The following TRPM3 variants were observed in gnomAD, a reference collection of about 807,000 sequenced individuals.
TRPM3 encodes the protein long transient receptor potential channel 3.
In TRPM3, 77 loss-of-function variants were observed where a neutral mutation model predicts 181.2. The observed-to-expected ratio is 0.42, with a 90% CI of 0.35 to 0.51. The LOEUF (loss-of-function observed/expected upper bound fraction) is 0.51, where lower values mean the gene tolerates loss of function less well. TRPM3 is among the 20% of genes least tolerant of loss of function. The pLI, the probability that TRPM3 is intolerant of heterozygous loss-of-function variation, is 0.01. For missense variants in TRPM3, 1,759 were observed against 2,196.7 expected (o/e 0.80, Z 3.98); for synonymous variants, 745 against 796.4 (o/e 0.94, Z 1.09).
rs549164540 is a variant in TRPM3 at position 70,537,200 on chromosome 9, C to T, written c.3913G>A (p.Ala1305Thr). The T allele has an allele frequency of 5.3e-5, 85 of 1,593,800 alleles. No individual in the cohort carries two copies. Among genetic ancestry groups the T allele is most frequent in the Admixed American group, 1.4e-4 (8 of 58,782 alleles). ...AAGCTGCTCTGACGGACAATGTAGG[C>T]GGCGTCCGTGCAGTCTGACGAGGTC... is the stretch of plus-strand genomic sequence containing the variant. The part of the protein sequence containing the change: ...SRTSSDCTDA[A>T]YIVRQSSFNS... The change falls in exon 26 of 26, where the codon GCC (alanine) becomes ACC (threonine). Residue 1305 changes from alanine (A) to threonine (T), a missense_variant. Physicochemically the swap from Ala to Thr is moderately conservative, Grantham distance 58 (BLOSUM62 0). This residue lies in a region of TRPM3 where 612 missense variants were observed against 590.0 expected (regional missense o/e 1.04). Transcript: ENST00000677713.
chr9:71,305,751 A>T (rs1305586563), intron 1 of TRPM3, among the ~76,000 whole-genome samples: 3 of 152,140 alleles, frequency 2.0e-5, no homozygotes, highest in Non-Finnish European at 4.4e-5. Context: ...CTAACAGGTG[A>T]TGTTTAGAAG....
chr9:71,072,265 T>C (rs925257898), intron 1 of TRPM3, among the ~76,000 whole-genome samples: 2 of 152,188 alleles, frequency 1.3e-5, no homozygotes, highest in Admixed American at 6.5e-5. Flanking sequence ...CACAGTTTGC[T>C]TTTAGGGTGG....
intron 1 of TRPM3, among the ~76,000 whole-genome samples, chr9:70,909,075 G>T (rs575153548): frequency 6.6e-6 from 1 of 152,284 alleles, no homozygotes; most frequent in East Asian, 1.9e-4. Flanking sequence ...ACAATAGCAT[G>T]AACTGCAGGT....
intron 6 of TRPM3, among the ~76,000 whole-genome samples, chr9:70,813,226 A>G (rs897386520): frequency 4.6e-5 from 7 of 152,210 alleles, no homozygotes; most frequent in African/African-American, 1.7e-4. Context: ...ACTGCTTTGT[A>G]CTATTCACAA....
intron 2 of TRPM3, 132 bp from the exon 3 acceptor site, chr9:70,863,244 T>G (rs2095564766): frequency 7.1e-6 from 5 of 701,866 alleles, no homozygotes. Context: ...AATTCCACCA[T>G]GTGGCTATAT....
At chr9:70,620,621 TTTTC>T (rs1164248709) in intron 15 of TRPM3, among the ~76,000 whole-genome samples, 1 of 152,186 alleles carries the variant, frequency 6.6e-6, no homozygotes, top group Non-Finnish European at 1.5e-5. Flanking sequence ...TAATGGGCCA[TTTTC>T]TTTCTTTTTA....
At chr9:71,096,622 TC>T (rs1327397264) in intron 1 of TRPM3, among the ~76,000 whole-genome samples, 1 of 144,738 alleles carries the variant, frequency 6.9e-6, no homozygotes, top group African/African-American at 2.5e-5. Context: ...TCTCTCTCTC[TC>T]TCCCCCTCTC....
intron 1 of TRPM3, among the ~76,000 whole-genome samples, chr9:70,982,602 C>T (rs1471634417): frequency 2.0e-5 from 3 of 152,196 alleles, no homozygotes; most frequent in Non-Finnish European, 2.9e-5. Context: ...ACCTTAGTCA[C>T]CTTTAAGTAT....
rs67630432 is a variant in TRPM3 at position 70,674,724 on chromosome 9, ATTTTTTTTT to A, written c.1345+6773_1345+6781del. ...ACATGCATATGCCACTATTCAGGCTATTTTTTTTTTTTTTTTTTTTTTTTAGAGACAAGG... is the reference window on the plus strand; with the variant it reads ...ACATGCATATGCCACTATTCAGGCTATTTTTTTTTTTTTTTAGAGACAAGG... On this transcript the variant is annotated intron_variant, in intron 9 of 25. Transcript: ENST00000677713. Among the ~76,000 whole-genome samples the A allele has an allele frequency of 8.2e-5, 8 of 97,882 alleles. No homozygotes were observed. The East Asian group carries it at 2.2e-3, about 26-fold the overall frequency. 64.2% of individuals were successfully genotyped at this position (97,882 alleles called of 152,430 possible). A position where few individuals can be genotyped will look rare whatever the true frequency, so the allele number is the denominator to read the frequency against.
intron 22 of TRPM3, among the ~76,000 whole-genome samples, chr9:70,564,865 A>G (rs1394115811): frequency 6.6e-6 from 1 of 152,220 alleles, no homozygotes; most frequent in African/African-American, 2.4e-5. Flanking sequence ...TCCTGCTGAC[A>G]TTATTTACAA....
intron 1 of TRPM3, among the ~76,000 whole-genome samples, chr9:71,202,528 T>C (rs1004232436): frequency 6.6e-6 from 1 of 152,138 alleles, no homozygotes; most frequent in Non-Finnish European, 1.5e-5. Context: ...ATAAGAGAAA[T>C]TTCAGGTTAT....
At chr9:71,384,331 C>T (rs1323138386) in intron 1 of TRPM3, among the ~76,000 whole-genome samples, 1 of 152,128 alleles carries the variant, frequency 6.6e-6, no homozygotes, top group African/African-American at 2.4e-5. Context: ...GTTACTTTCT[C>T]AAAAGCATTA....
intron 1 of TRPM3, among the ~76,000 whole-genome samples, chr9:70,998,017 T>C (rs1590425341): frequency 6.6e-6 from 1 of 151,906 alleles, no homozygotes; most frequent in East Asian, 1.9e-4. Context: ...GTCCATATGC[T>C]TTCAAGACTG....
intron 1 of TRPM3, among the ~76,000 whole-genome samples, chr9:71,299,774 C>T (rs2086612135): frequency 1.3e-5 from 2 of 151,990 alleles, no homozygotes; most frequent in African/African-American, 2.4e-5. Flanking sequence ...TTAAAATGGC[C>T]TTGTGCACAT....
chr9:71,041,451 G>C (rs1191874413), intron 1 of TRPM3, among the ~76,000 whole-genome samples: 2 of 152,122 alleles, frequency 1.3e-5, no homozygotes, highest in Non-Finnish European at 1.5e-5. Flanking sequence ...ATTATGATCA[G>C]CTTGGTGGAG....
chr9:70,745,805 C>T (rs908307675), intron 8 of TRPM3, among the ~76,000 whole-genome samples: 4 of 152,024 alleles, frequency 2.6e-5, no homozygotes, highest in East Asian at 1.9e-4. Flanking sequence ...CTTAATTGTA[C>T]CCTGTCCACT....
chr9:70,625,203 G>A lies in TRPM3; in HGVS notation c.1797C>T (p.Phe599=). 5 of 1,614,018 alleles carry A rather than the reference G, an allele frequency of 3.1e-6. No individual in the cohort carries two copies. Among genetic ancestry groups the A allele is most frequent in the Non-Finnish European group, 4.2e-6 (5 of 1,179,982 alleles). ...KRFRTLYHNL[F]GPKRPKALKL... ...CAGCCAGCCTCACCCTCTTGGGGCC[G>A]AAGAGGTTGTGGTAGAGGGTCCGGA... The change falls in exon 14 of 26, where the codon TTC becomes TTT. Residue 599 remains phenylalanine, a synonymous_variant. Transcript: ENST00000677713. This position sits in a 1 kb window ranked among gnomAD's most constrained non-coding sequence, Gnocchi z 4.8.
chr9:71,365,227 CATA>C (rs1178360005), intron 1 of TRPM3, among the ~76,000 whole-genome samples: 2 of 152,152 alleles, frequency 1.3e-5, no homozygotes, highest in Admixed American at 1.3e-4. Flanking sequence ...CCCATTGGCT[CATA>C]ATAATTGTTT....
chr9:71,124,025 TAGG>T (rs1230042549), upstream of TRPM3, among the ~76,000 whole-genome samples: 1 of 152,014 alleles, frequency 6.6e-6, no homozygotes, highest in Non-Finnish European at 1.5e-5. Context: ...AGTGAGGAAG[TAGG>T]AGGATTCACA....
Sources: allele counts gnomAD v4.1 joint callset (sites outside exome capture counted in the v4.1 genomes callset), GRCh38; gene constraint gnomAD v4.1.1; regional missense constraint gnomAD v4.1.1; non-coding constraint Gnocchi (gnomAD v3.1); transcripts MANE v1.5; gene names NCBI Gene and HGNC (gene_info 2026-07-23, HGNC 2026-07-21).